CHN1: variants seen among roughly 807,000 people sequenced by gnomAD.
CHN1 encodes N-chimaerin.
CHN1 carries 37 observed loss-of-function variants against 59.5 expected under a neutral mutation model. That is an observed-to-expected ratio of 0.62 (90% CI 0.48 to 0.82). CHN1 has a LOEUF of 0.82. CHN1 is among the 40% of genes least tolerant of loss of function. CHN1 has a pLI of 0.00. For synonymous variants in CHN1, 206 were observed against 200.4 expected (o/e 1.03, Z -0.24); for missense variants, 469 against 571.0 (o/e 0.82, Z 1.82).
At chr2:174,829,471 T>A (rs907790013) in intron 7 of CHN1, among the ~76,000 whole-genome samples, 1 of 152,242 alleles carries the variant, frequency 6.6e-6, no homozygotes, top group Non-Finnish European at 1.5e-5. Context: ...CTTCTCATCA[T>A]GTTTACAGCA....
chr2:174,854,603 T>C (rs1574092412), intron 6 of CHN1, among the ~76,000 whole-genome samples: 1 of 152,218 alleles, frequency 6.6e-6, no homozygotes, highest in African/African-American at 2.4e-5. Flanking sequence ...TGGCACCTCC[T>C]TGGTCAAGTA....
Position 174,807,468 on chromosome 2 carries a change from G to GTGTGTGTGTGTT in CHN1, c.1102+1436_1102+1437insAACACACACACA, listed in dbSNP as rs1684929401. Among the ~76,000 whole-genome samples, 4 of 141,016 alleles carry GTGTGTGTGTGTT rather than the reference G, an allele frequency of 2.8e-5. No individual in the cohort carries two copies. The East Asian group carries it at 8.3e-4, about 29-fold the overall frequency. 92.5% of individuals were successfully genotyped at this position (141,016 alleles called of 152,430 possible). ...TATCTGTGTGTGTGTGTGTGTGTGT[G>GTGTGTGTGTGTT]TGTGTGTGTGTGTGTGTGTGTGTGT... On this transcript the variant is annotated intron_variant, in intron 11 of 12. Coordinates refer to ENST00000409900, the MANE Select transcript of CHN1 (RefSeq NM_001822.7).
At chr2:174,949,190 G>A (rs1473698567) in intron 2 of CHN1, among the ~76,000 whole-genome samples, 1 of 115,330 alleles carries the variant, frequency 8.7e-6, no homozygotes, top group African/African-American at 3.9e-5. Context: ...TGTAAAAACT[G>A]TAAAACTGTC....
chr2:174,998,069 G>A lies in CHN1; in HGVS notation c.19+6825C>T, dbSNP rs187050287. Among the ~76,000 whole-genome samples the A allele has an allele frequency of 8.0e-5, 12 of 150,528 alleles. No individual in the cohort carries two copies. The East Asian group carries it at 1.4e-3, about 17-fold the overall frequency. On this transcript the variant is annotated intron_variant, in intron 1 of 12. Coordinates refer to ENST00000409900, the MANE Select transcript of CHN1 (RefSeq NM_001822.7). Reference sequence around the variant, plus strand: ...TATAATCCCAGCACTTTGGGGGGCCGAGATGGGTGGATCACATGAGGTCAG... The same window carrying A: ...TATAATCCCAGCACTTTGGGGGGCCAAGATGGGTGGATCACATGAGGTCAG...
At chr2:174,933,339 C>A (rs1689406805) in intron 3 of CHN1, among the ~76,000 whole-genome samples, 1 of 152,006 alleles carries the variant, frequency 6.6e-6, no homozygotes, top group South Asian at 2.1e-4. Flanking sequence ...ATCAAGAGAT[C>A]AGGTTGAAGC....
At chr2:175,000,912 T>A (rs1292480991) in intron 1 of CHN1, among the ~76,000 whole-genome samples, 1 of 152,108 alleles carries the variant, frequency 6.6e-6, no homozygotes, top group Non-Finnish European at 1.5e-5. Flanking sequence ...GTTTTCTTAT[T>A]TTTACTCTTT....
At chr2:174,898,598 C>T (rs554860947) in intron 5 of CHN1, among the ~76,000 whole-genome samples, 143 of 152,216 alleles carry the variant, frequency 9.4e-4, no homozygotes, top group African/African-American at 3.3e-3. Context: ...AGCGAGACTC[C>T]GTCTCAAAAA....
intron 5 of CHN1, among the ~76,000 whole-genome samples, chr2:174,893,374 G>A (rs935952021): frequency 1.6e-4 from 25 of 152,072 alleles, no homozygotes; most frequent in African/African-American, 5.8e-4. Flanking sequence ...ATTTACAAGA[G>A]TATCAAAAAG....
At chr2:174,893,862 C>G (rs1688127990) in intron 5 of CHN1, among the ~76,000 whole-genome samples, 1 of 152,022 alleles carries the variant, frequency 6.6e-6, no homozygotes, top group African/African-American at 2.4e-5. Context: ...AGTACCAAGA[C>G]TACACAACAG....
At chr2:174,975,640 A>AAAAAAC (rs1690898732) in intron 1 of CHN1, among the ~76,000 whole-genome samples, 1 of 149,450 alleles carries the variant, frequency 6.7e-6, no homozygotes, top group African/African-American at 2.6e-5. Context: ...AGCCAGGCAA[A>AAAAAAC]AAAAACAAAA....
At chr2:174,998,197 G>A (rs1306011388) in intron 1 of CHN1, among the ~76,000 whole-genome samples, 1 of 149,602 alleles carries the variant, frequency 6.7e-6, no homozygotes, top group Non-Finnish European at 1.5e-5. Flanking sequence ...CAGCTACTCA[G>A]AAGGCTGAGG....
Position 174,839,598 on chromosome 2 carries a change from T to C in CHN1, c.627+7282A>G, listed in dbSNP as rs13424661. Among the ~76,000 whole-genome samples the C allele has an allele frequency of 5.0e-3, 750 of 151,292 alleles. 7 individuals are homozygous for C. Among genetic ancestry groups the C allele is most frequent in the African/African-American group, 0.017 (692 of 40,956 alleles). ...TACTTAACAATACTGTGTTGTGCAC[T>C]TAAAGATTTTTTTTTTTTTTTTTGA... On this transcript the variant is annotated intron_variant, in intron 7 of 12. Coordinates refer to ENST00000409900, the MANE Select transcript of CHN1 (RefSeq NM_001822.7).
chr2:174,897,450 C>T (rs913871036), intron 5 of CHN1, among the ~76,000 whole-genome samples: 2 of 149,560 alleles, frequency 1.3e-5, no homozygotes, highest in African/African-American at 4.9e-5. Context: ...TGTGTATATA[C>T]GTATATATAA....
chr2:174,972,750 G>A (rs571411596), intron 1 of CHN1, among the ~76,000 whole-genome samples: 3 of 152,246 alleles, frequency 2.0e-5, no homozygotes, highest in South Asian at 4.2e-4. Context: ...GCGTTATCAC[G>A]TAAGGAATTA....
At chr2:174,907,379 A>G (rs527506817) in intron 5 of CHN1, among the ~76,000 whole-genome samples, 43 of 152,312 alleles carry the variant, frequency 2.8e-4, no homozygotes, top group African/African-American at 1.0e-3. Flanking sequence ...AGCACTGCCA[A>G]TGCTGGTCAA....
At chr2:174,978,085 C>T (rs191726332) in intron 1 of CHN1, among the ~76,000 whole-genome samples, 1 of 152,262 alleles carries the variant, frequency 6.6e-6, no homozygotes, top group East Asian at 1.9e-4. Flanking sequence ...AAAAAGGACC[C>T]TGATGGTATA....
chr2:174,951,121 G>A (rs1690014321), intron 2 of CHN1, among the ~76,000 whole-genome samples: 1 of 152,158 alleles, frequency 6.6e-6, no homozygotes, highest in Non-Finnish European at 1.5e-5. Flanking sequence ...GAGATTATGA[G>A]ACAAAATCTT....
chr2:174,846,510 C>A, intron 7 of CHN1: 1 of 1,393,406 alleles, frequency 7.2e-7, no homozygotes, highest in Non-Finnish European at 9.5e-7. Flanking sequence ...AGCTTTTTAC[C>A]AGAAACACAG....
intron 1 of CHN1, among the ~76,000 whole-genome samples, chr2:174,957,818 T>C (rs1028032901): frequency 2.6e-5 from 4 of 152,058 alleles, no homozygotes; most frequent in Non-Finnish European, 5.9e-5. Flanking sequence ...AGACCTTGCC[T>C]TCAAAGATAA....
Sources: gnomAD v4.1 joint callset for allele counts (sites outside exome capture counted in the v4.1 genomes callset) on GRCh38, gnomAD v4.1.1 for gene constraint, MANE v1.5 for transcripts, NCBI Gene and HGNC (gene_info 2026-07-23, HGNC 2026-07-21) for gene names.